The following TJP1 variants were observed in gnomAD, a reference collection of about 807,000 sequenced individuals.
TJP1 encodes the protein tight junction protein 1, also known as tight junction protein ZO-1.
Under a neutral mutation model 194.2 loss-of-function variants are expected in TJP1, and 43 were observed. The ratio of observed to expected loss-of-function variants is 0.22; its 90% CI spans 0.17 to 0.29. The LOEUF (loss-of-function observed/expected upper bound fraction) is 0.29, where lower values mean the gene tolerates loss of function less well. Among genes scored for constraint, TJP1 ranks in the 10% least tolerant of loss-of-function variants. The pLI is 1.00. For missense variants in TJP1, 1,971 were observed against 2,185.7 expected, an observed-to-expected ratio of 0.90 and a Z score of 1.96; for synonymous variants, 801 against 779.0, an observed-to-expected ratio of 1.03 and a Z score of -0.47.
intron 20 of TJP1, 143 bp from the exon 21 acceptor site, chr15:29,719,281 G>T: frequency 9.3e-7 from 1 of 1,081,062 alleles, no homozygotes; most frequent in Non-Finnish European, 1.3e-6. Flanking sequence ...GACAAGATTA[G>T]TGGAAAAAGC....
rs1263314832 is a variant in TJP1 at position 29,700,326 on chromosome 15, A to G, written c.*1269T>C. 1 of 398,860 alleles carries G rather than the reference A, an allele frequency of 2.5e-6. No individual in the cohort carries two copies. The highest frequency in any genetic ancestry group is 4.4e-5 in the Admixed American group (1 of 22,706). The allele number at this position is 398,860 out of a possible 1,614,324, so 24.7% of individuals were successfully genotyped here. A position where few individuals can be genotyped will look rare whatever the true frequency, so the allele number is the denominator to read the frequency against. Reference sequence around the variant, plus strand: ...TTAGTAAAAAAATACACTTTAGGGCACAGCATTGTATCACAAATTACAGTA... The same window carrying G: ...TTAGTAAAAAAATACACTTTAGGGCGCAGCATTGTATCACAAATTACAGTA... On this transcript the variant is annotated 3_prime_UTR_variant, in exon 28 of 28. Coordinates refer to ENST00000614355, the MANE Select transcript of TJP1 (RefSeq NM_001330239.4).
At chr15:29,717,573 A>G (rs1264017552) in intron 22 of TJP1, among the ~76,000 whole-genome samples, 1 of 152,198 alleles carries the variant, frequency 6.6e-6, no homozygotes. Flanking sequence ...ATGCAGAACA[A>G]CAACAGTGTC....
At chr15:29,918,672 G>A (rs1400516134) in intron 2 of TJP1, among the ~76,000 whole-genome samples, 1 of 152,086 alleles carries the variant, frequency 6.6e-6, no homozygotes, top group Non-Finnish European at 1.5e-5. Flanking sequence ...TGGGGAGGTC[G>A]AGGCTGCAGT....
At chr15:29,846,740 A>G (rs2051425861) in intron 2 of TJP1, among the ~76,000 whole-genome samples, 1 of 152,058 alleles carries the variant, frequency 6.6e-6, no homozygotes, top group Admixed American at 6.6e-5. Context: ...CCTGGCTGAC[A>G]TGGTGCAACC....
chr15:29,788,020 G>C (rs1231820096), intron 2 of TJP1, among the ~76,000 whole-genome samples: 1 of 151,946 alleles, frequency 6.6e-6, no homozygotes, highest in Non-Finnish European at 1.5e-5. Context: ...GGTGTGAAGG[G>C]GTATTTCACT....
chr15:29,891,244 G>C (rs1312861785), intron 2 of TJP1, among the ~76,000 whole-genome samples: 1 of 152,182 alleles, frequency 6.6e-6, no homozygotes, highest in Non-Finnish European at 1.5e-5. Context: ...GCAGTGCCTG[G>C]TGCCATCATA....
chr15:29,751,044 A>C (rs192756419), intron 8 of TJP1, among the ~76,000 whole-genome samples: 1 of 152,370 alleles, frequency 6.6e-6, no homozygotes, highest in Admixed American at 6.5e-5. Context: ...AGAATGTTGC[A>C]ATCACTGCTA....
chr15:29,772,198 A>G, intron 3 of TJP1, 32 bp from the exon 4 acceptor site: 1 of 1,321,908 alleles, frequency 7.6e-7, no homozygotes, highest in Non-Finnish European at 1.1e-6. Flanking sequence ...ATAATATGTT[A>G]GAGAAAAACA....
At chr15:29,783,638 A>G (rs964917189) in intron 2 of TJP1, among the ~76,000 whole-genome samples, 5 of 152,256 alleles carry the variant, frequency 3.3e-5, no homozygotes, top group African/African-American at 1.2e-4. Context: ...ATAAAAAAGA[A>G]TAAGATCATG....
At chr15:29,804,727 C>G (rs2049008880) in intron 1 of TJP1, among the ~76,000 whole-genome samples, 1 of 152,142 alleles carries the variant, frequency 6.6e-6, no homozygotes, top group Non-Finnish European at 1.5e-5. Context: ...CAAGGGATAA[C>G]TGCATAACTT....
intron 1 of TJP1, among the ~76,000 whole-genome samples, chr15:29,805,440 C>G (rs1423161682): frequency 6.6e-6 from 1 of 152,132 alleles, no homozygotes; most frequent in Non-Finnish European, 1.5e-5. Context: ...AAAGTATACT[C>G]CAAATGAAGA....
intron 2 of TJP1, among the ~76,000 whole-genome samples, chr15:29,949,896 C>T (rs866078596): frequency 9.8e-5 from 10 of 101,578 alleles, no homozygotes; most frequent in African/African-American, 4.5e-4. Context: ...ACCTCCACCT[C>T]CACAACCACC....
chr15:29,929,575 TA>T (rs898591203), intron 2 of TJP1, among the ~76,000 whole-genome samples: 4 of 152,258 alleles, frequency 2.6e-5, no homozygotes, highest in Admixed American at 1.3e-4. Flanking sequence ...TGAATGTCTG[TA>T]ATTCTAGCTA....
At chr15:29,819,823 A>AT (rs1477548892) in intron 1 of TJP1, among the ~76,000 whole-genome samples, 1 of 152,156 alleles carries the variant, frequency 6.6e-6, no homozygotes, top group African/African-American at 2.4e-5. Context: ...TATTTGTTAT[A>AT]TTTATTTCTA....
chr15:29,936,918 T>C (rs2054903224), intron 2 of TJP1, among the ~76,000 whole-genome samples: 1 of 152,198 alleles, frequency 6.6e-6, no homozygotes, highest in Non-Finnish European at 1.5e-5. Flanking sequence ...CTGGGATCCC[T>C]TGTTTCTTGT....
intron 1 of TJP1, among the ~76,000 whole-genome samples, chr15:29,818,389 A>G (rs1038534911): frequency 6.6e-6 from 1 of 152,276 alleles, no homozygotes; most frequent in Non-Finnish European, 1.5e-5. Flanking sequence ...GGTGACGCAG[A>G]GAACCACCCT....
At chr15:29,727,594 G>A (rs1003148757) in intron 16 of TJP1, among the ~76,000 whole-genome samples, 1 of 152,170 alleles carries the variant, frequency 6.6e-6, no homozygotes, top group African/African-American at 2.4e-5. Context: ...TCCACGTACA[G>A]TTAGAATAAA....
chr15:29,776,715 A>G (rs1261293079), intron 2 of TJP1, among the ~76,000 whole-genome samples: 1 of 152,144 alleles, frequency 6.6e-6, no homozygotes, highest in Non-Finnish European at 1.5e-5. Context: ...TAAATCTTCC[A>G]AATGATGCCA....
chr15:29,734,525 C>T (rs2043896249), intron 11 of TJP1, 143 bp from the exon 12 acceptor site: 1 of 600,540 alleles, frequency 1.7e-6, no homozygotes. Context: ...GCTCTGTCGC[C>T]CAGGCTGGAG....
Sources: gnomAD v4.1 joint callset for allele counts (sites outside exome capture counted in the v4.1 genomes callset) on GRCh38, gnomAD v4.1.1 for gene constraint, MANE v1.5 for transcripts, NCBI Gene and HGNC (gene_info 2026-07-23, HGNC 2026-07-21) for gene names.